ARHGAP8: variants seen among roughly 807,000 people sequenced by gnomAD.
ARHGAP8 encodes Rho GTPase activating protein 8.
Under a neutral mutation model 46.1 loss-of-function variants are expected in ARHGAP8, and 62 were observed. The ratio of observed to expected loss-of-function variants is 1.34; its 90% CI spans 1.10 to 1.66. The LOEUF is 1.66. ARHGAP8 is among the 40% of genes most tolerant of loss of function. The pLI, the probability that ARHGAP8 is intolerant of heterozygous loss-of-function variation, is 0.00. For missense variants in ARHGAP8, 923 were observed against 568.4 expected, an observed-to-expected ratio of 1.62 and a Z score of -6.34; for synonymous variants, 375 against 243.1, an observed-to-expected ratio of 1.54 and a Z score of -5.05.
rs183105909 is a variant in ARHGAP8 at position 44,861,274 on chromosome 22, A to T, written c.982-1001A>T. ...AGGTGTGAGCCACTGCACCCAGCCT[A>T]CTTCTTTTTCATTAGGAGAGACTGA... is the stretch of plus-strand genomic sequence containing the variant. On this transcript the variant is annotated intron_variant, in intron 11 of 11. Transcript: ENST00000356099. Among the ~76,000 whole-genome samples, 474 of 152,212 alleles carry T rather than the reference A, an allele frequency of 3.1e-3. 1 individual carries two copies. The highest frequency in any genetic ancestry group is 5.2e-3 in the Non-Finnish European group (353 of 68,012).
chr22:44,796,617 C>T (rs1928105793), intron 2 of ARHGAP8, among the ~76,000 whole-genome samples: 1 of 152,156 alleles, frequency 6.6e-6, no homozygotes, highest in Admixed American at 6.5e-5. Context: ...GTTGGCCCCT[C>T]GCTCCCCCAG....
chr22:44,833,808 T>G (rs1479146849), intron 7 of ARHGAP8, among the ~76,000 whole-genome samples: 1 of 152,178 alleles, frequency 6.6e-6, no homozygotes, highest in Non-Finnish European at 1.5e-5. Context: ...TGGGAAGTTT[T>G]AAAATTACTA....
At chr22:44,856,885 C>G (rs1251740250) in intron 10 of ARHGAP8, among the ~76,000 whole-genome samples, 1 of 144,108 alleles carries the variant, frequency 6.9e-6, no homozygotes, top group African/African-American at 2.8e-5. Context: ...GAGACTTTGA[C>G]CACCCTCACA....
At position 44,757,474 on chromosome 22, in the gene ARHGAP8, A is replaced by G. The variant is rs538596112; in HGVS notation, c.-72+4847A>G. On this transcript the variant is annotated intron_variant, in intron 1 of 11. Coordinates refer to ENST00000356099, the MANE Select transcript of ARHGAP8 (RefSeq NM_181335.3). ...GTATTTTTAATAGAGACAAGGTTTT[A>G]CCATGTTGGCCATGCTGGTCTCAAA... 1.1e-4 allele frequency among the ~76,000 whole-genome samples: 17 copies of G among 151,906 alleles called. No homozygotes were observed. In the East Asian group the frequency reaches 3.1e-3, roughly 28 times the overall value.
chr22:44,838,277 A>G (rs1931422721), intron 7 of ARHGAP8, among the ~76,000 whole-genome samples: 1 of 152,018 alleles, frequency 6.6e-6, no homozygotes, highest in Non-Finnish European at 1.5e-5. Context: ...AGCTGGGATT[A>G]CAGGCACGTG....
chr22:44,773,730 A>C (rs1414296139), intron 1 of ARHGAP8, among the ~76,000 whole-genome samples: 2 of 152,210 alleles, frequency 1.3e-5, no homozygotes, highest in Admixed American at 6.5e-5. Context: ...CTAAAGGTGT[A>C]CACCACCACA....
At chr22:44,849,923 G>A (rs528216081) in intron 10 of ARHGAP8, 2 of 152,326 alleles carry the variant, frequency 1.3e-5, no homozygotes, top group African/African-American at 4.8e-5. Context: ...CAAGGGGCAG[G>A]AGTTACCTTT....
intron 7 of ARHGAP8, among the ~76,000 whole-genome samples, chr22:44,828,883 G>T (rs1207812833): frequency 6.6e-6 from 1 of 152,016 alleles, no homozygotes; most frequent in Non-Finnish European, 1.5e-5. Context: ...CCAGGGGTGG[G>T]TCTTTAGCTG....
intron 1 of ARHGAP8, among the ~76,000 whole-genome samples, chr22:44,772,308 C>T (rs1442334609): frequency 3.4e-5 from 4 of 118,860 alleles, no homozygotes; most frequent in African/African-American, 1.3e-4. Flanking sequence ...TCTCAGCTCA[C>T]TGCAAACTAC....
Position 44,848,928 on chromosome 22 carries a change from G to T in ARHGAP8, c.749-4G>T. ...ACCTCAGCAGTGCTGTGTTGTGTGT[G>T]CAGGGAAGCCCGTGAACTTTGACGA... On this transcript the variant is annotated splice_polypyrimidine_tract_variant and splice_region_variant and intron_variant, in intron 9 of 11. Transcript: ENST00000356099. The T allele has an allele frequency of 6.2e-7, 1 of 1,614,078 alleles. No individual in the cohort carries two copies. The highest frequency in any genetic ancestry group is 8.5e-7 in the Non-Finnish European group (1 of 1,179,990).
intron 11 of ARHGAP8, 78 bp from the exon 12 acceptor site, chr22:44,862,197 C>A: frequency 6.6e-7 from 1 of 1,514,870 alleles, no homozygotes; most frequent in Non-Finnish European, 8.9e-7. Flanking sequence ...TACGCCTCTC[C>A]CTAAGTTCGG....
intron 7 of ARHGAP8, among the ~76,000 whole-genome samples, chr22:44,829,918 G>A (rs1194812231): frequency 6.6e-6 from 1 of 152,168 alleles, no homozygotes; most frequent in African/African-American, 2.4e-5. Context: ...TGAGGCCTGT[G>A]TGGGCACCTG....
intron 1 of ARHGAP8, among the ~76,000 whole-genome samples, chr22:44,763,182 C>T (rs1257864048): frequency 6.6e-6 from 1 of 151,850 alleles, no homozygotes; most frequent in Non-Finnish European, 1.5e-5. Flanking sequence ...GGCTTGGTTC[C>T]CAGAGCAAAC....
intron 1 of ARHGAP8, among the ~76,000 whole-genome samples, chr22:44,755,972 T>C (rs932993195): frequency 3.3e-5 from 5 of 152,198 alleles, no homozygotes; most frequent in Admixed American, 1.3e-4. Context: ...AATGAGTTAA[T>C]GCATGAGAAG....
intron 1 of ARHGAP8, among the ~76,000 whole-genome samples, chr22:44,770,185 C>T (rs1278750121): frequency 6.6e-5 from 10 of 152,010 alleles, no homozygotes; most frequent in South Asian, 2.1e-4. Context: ...CGGAGGTTAC[C>T]GTGAGCCAAG....
intron 1 of ARHGAP8, among the ~76,000 whole-genome samples, chr22:44,753,737 A>G (rs144635104): frequency 5.3e-5 from 8 of 152,090 alleles, no homozygotes; most frequent in African/African-American, 1.9e-4. Context: ...CCCGGGAAGG[A>G]GGGTGGGATT....
intron 1 of ARHGAP8, among the ~76,000 whole-genome samples, chr22:44,781,498 TTTATA>T (rs1039683526): frequency 2.9e-4 from 44 of 152,202 alleles, no homozygotes; most frequent in African/African-American, 7.2e-4. Flanking sequence ...TTTAAAATGA[TTTATA>T]TTATATTATT....
intron 10 of ARHGAP8, among the ~76,000 whole-genome samples, chr22:44,852,969 AT>A (rs2070133899): frequency 6.6e-6 from 1 of 151,986 alleles, no homozygotes; most frequent in Non-Finnish European, 1.5e-5. Context: ...CGCCTGGCTA[AT>A]TTTTTGTATT....
intron 6 of ARHGAP8, among the ~76,000 whole-genome samples, chr22:44,822,900 A>C (rs1198340250): frequency 6.6e-6 from 1 of 152,202 alleles, no homozygotes; most frequent in Non-Finnish European, 1.5e-5. Flanking sequence ...TGAAAGCTTA[A>C]TTGGTGTGTC....
Sources: allele counts gnomAD v4.1 joint callset (sites outside exome capture counted in the v4.1 genomes callset), GRCh38; gene constraint gnomAD v4.1.1; transcripts MANE v1.5; gene names NCBI Gene and HGNC (gene_info 2026-07-23, HGNC 2026-07-21).